The following CCDC60 variants were observed in gnomAD, a reference collection of about 807,000 sequenced individuals.
The protein encoded by CCDC60 is coiled-coil domain-containing protein 60.
CCDC60 carries 54 observed loss-of-function variants against 63.5 expected under a neutral mutation model. That is an observed-to-expected ratio of 0.85 (90% CI 0.68 to 1.07). CCDC60 has a LOEUF of 1.07. CCDC60 is among the 50% of genes least tolerant of loss of function. The pLI, the probability that CCDC60 is intolerant of heterozygous loss-of-function variation, is 0.00. For missense variants in CCDC60, 651 were observed against 684.3 expected (o/e 0.95, Z 0.54); for synonymous variants, 206 against 238.8 (o/e 0.86, Z 1.27).
At chr12:119,336,830 C>A (rs768503735) in intron 1 of CCDC60, among the ~76,000 whole-genome samples, 2 of 152,168 alleles carry the variant, frequency 1.3e-5, no homozygotes, top group Admixed American at 1.3e-4. Context: ...AAAATCGATA[C>A]GTACTGAATG....
chr12:119,435,400 A>G (rs1260029597), intron 2 of CCDC60, among the ~76,000 whole-genome samples: 2 of 152,228 alleles, frequency 1.3e-5, no homozygotes, highest in Non-Finnish European at 2.9e-5. Context: ...TAGGCCTTCC[A>G]GGTGAGCCTG....
chr12:119,522,209 G>A (rs1178113801), intron 9 of CCDC60, among the ~76,000 whole-genome samples: 1 of 152,252 alleles, frequency 6.6e-6, no homozygotes. Context: ...TCAGAGAGAA[G>A]GTGCTAGACA....
In CCDC60 at chr12:119,472,150, G is replaced by C; in HGVS notation, c.327G>C (p.Gly109=). The C allele has an allele frequency of 6.2e-7, 1 of 1,613,956 alleles. No homozygotes were observed. The highest frequency in any genetic ancestry group is 8.5e-7 in the Non-Finnish European group (1 of 1,179,956). Residue 109 remains glycine (G), a synonymous_variant, in exon 3 of 14, where the codon GGG becomes GGC. Coordinates refer to ENST00000327554, the MANE Select transcript of CCDC60 (RefSeq NM_178499.5). ...AAAAGATCTCAGAAATCCACTATGG[G>C]GACACCTTATTGAGGTAAGTGGATG... ...PAEKISEIHY[G]DTLLSTYDDE... is the part of the protein sequence containing the mutation.
chr12:119,489,566 C>T (rs1951536362), intron 5 of CCDC60, among the ~76,000 whole-genome samples: 1 of 152,152 alleles, frequency 6.6e-6, no homozygotes, highest in Admixed American at 6.5e-5. Flanking sequence ...ATTGTACACA[C>T]AGGGCAGAAC....
chr12:119,408,820 G>A (rs552339150), intron 1 of CCDC60, among the ~76,000 whole-genome samples: 69 of 139,104 alleles, frequency 5.0e-4, no homozygotes, highest in Middle Eastern at 3.8e-3. Flanking sequence ...GCGAGACTCC[G>A]TCTCAAAAAA....
At chr12:119,440,073 G>T (rs1950411787) in intron 2 of CCDC60, among the ~76,000 whole-genome samples, 1 of 151,584 alleles carries the variant, frequency 6.6e-6, no homozygotes, top group African/African-American at 2.4e-5. Flanking sequence ...GGGGTGGGGG[G>T]CCGGGGATGG....
chr12:119,354,623 C>G (rs190966176), intron 1 of CCDC60, among the ~76,000 whole-genome samples: 11 of 152,182 alleles, frequency 7.2e-5, no homozygotes, highest in African/African-American at 2.7e-4. Flanking sequence ...GCACAGTGCA[C>G]GGGGCTCCAG....
intron 4 of CCDC60, 142 bp downstream of exon 4, chr12:119,479,343 T>C (rs1465196218): frequency 2.5e-5 from 15 of 611,086 alleles, no homozygotes; most frequent in Non-Finnish European, 3.2e-5. Context: ...GGCAAAGCTA[T>C]TTGGCATATA....
At chr12:119,535,950 G>A (rs1343281522) in intron 13 of CCDC60, among the ~76,000 whole-genome samples, 1 of 152,186 alleles carries the variant, frequency 6.6e-6, no homozygotes, top group Non-Finnish European at 1.5e-5. Context: ...GCAGAGCTGA[G>A]TTCAAGTCCT....
chr12:119,364,171 CTTCT>C (rs1955818164), intron 1 of CCDC60, among the ~76,000 whole-genome samples: 5 of 151,912 alleles, frequency 3.3e-5, no homozygotes, highest in Admixed American at 2.0e-4. Flanking sequence ...TCCTTCCTTC[CTTCT>C]TTGTTTTGAC....
chr12:119,390,949 G>A (rs1014656644), intron 1 of CCDC60, among the ~76,000 whole-genome samples: 1 of 152,228 alleles, frequency 6.6e-6, no homozygotes, highest in Non-Finnish European at 1.5e-5. Flanking sequence ...ATTTCCTGCT[G>A]TTTAACCTCA....
chr12:119,493,611 C>T (rs533016729), intron 5 of CCDC60, among the ~76,000 whole-genome samples: 1 of 152,242 alleles, frequency 6.6e-6, no homozygotes, highest in Admixed American at 6.5e-5. Context: ...TTCTCAGCAT[C>T]CTTGTTAATT....
chr12:119,524,721 C>CTTTTCTTTTTTTTTTTTT (rs761586584), intron 11 of CCDC60, among the ~76,000 whole-genome samples: 1 of 99,050 alleles, frequency 1.0e-5, no homozygotes, highest in African/African-American at 4.7e-5. Context: ...CTTTTCTTTT[C>CTTTTCTTTTTTTTTTTTT]TTTTTTTTTT....
intron 11 of CCDC60, 46 bp from the exon 12 acceptor site, chr12:119,528,569 A>T: frequency 6.3e-7 from 1 of 1,588,364 alleles, no homozygotes; most frequent in South Asian, 1.1e-5. Flanking sequence ...TGGTTACAGG[A>T]GGAGGGGATC....
chr12:119,352,065 C>T (rs1955661444), intron 1 of CCDC60, among the ~76,000 whole-genome samples: 1 of 152,126 alleles, frequency 6.6e-6, no homozygotes, highest in Non-Finnish European at 1.5e-5. Context: ...CCTCAGGAAA[C>T]TTACAATCAT....
At chr12:119,540,536 GA>G in intron 13 of CCDC60, 77 bp from the exon 14 acceptor site, 1 of 993,072 alleles carries the variant, frequency 1.0e-6, no homozygotes, top group South Asian at 1.4e-5. Context: ...AATCTTCCAG[GA>G]TCTTGAGGGG....
chr12:119,510,738 A>G (rs74440331), intron 7 of CCDC60, among the ~76,000 whole-genome samples: 1,801 of 152,234 alleles, frequency 0.012, 38 homozygotes, highest in African/African-American at 0.04. Flanking sequence ...TTCATAATCC[A>G]CTATGGCTGC....
At chr12:119,485,608 C>T (rs1374520081) in intron 4 of CCDC60, among the ~76,000 whole-genome samples, 1 of 152,160 alleles carries the variant, frequency 6.6e-6, no homozygotes, top group Non-Finnish European at 1.5e-5. Flanking sequence ...GCTCGCAGCC[C>T]TGGCGTCTCT....
Position 119,428,116 on chromosome 12 carries a change from G to A in CCDC60, c.91-567G>A, listed in dbSNP as rs79624656. Among the ~76,000 whole-genome samples, 187 of 152,170 alleles carry A rather than the reference G, an allele frequency of 1.2e-3. 3 individuals are homozygous for A. The East Asian group carries it at 0.033, about 27-fold the overall frequency. On this transcript the variant is annotated intron_variant, in intron 1 of 13. Coordinates refer to ENST00000327554, the MANE Select transcript of CCDC60 (RefSeq NM_178499.5). ...TTAATAGGGAGAAAGAAAAACCCAC[G>A]AACAATTATCTGGATAATTCATTCA... is the stretch of plus-strand genomic sequence containing the variant.
Sources: gnomAD v4.1 joint callset for allele counts (sites outside exome capture counted in the v4.1 genomes callset) on GRCh38, gnomAD v4.1.1 for gene constraint, MANE v1.5 for transcripts, NCBI Gene and HGNC (gene_info 2026-07-23, HGNC 2026-07-21) for gene names.